ZNF462: variants seen among roughly 807,000 people sequenced by gnomAD.
The protein encoded by ZNF462 is zinc finger protein 462.
A neutral mutation model predicts 201.9 loss-of-function variants in ZNF462; 10 were observed. That is an observed-to-expected ratio of 0.05 (90% CI 0.03 to 0.08). The LOEUF (loss-of-function observed/expected upper bound fraction) is 0.08. Among genes scored for constraint, ZNF462 ranks in the 10% least tolerant of loss-of-function variants. The pLI, the probability that ZNF462 is intolerant of heterozygous loss-of-function variation, is 1.00. For synonymous variants in ZNF462, 1,227 were observed against 1,193.3 expected (o/e 1.03, Z -0.58); for missense variants, 2,523 against 3,168.3 (o/e 0.80, Z 4.89).
chr9:106,986,874 C>T (rs966173469), intron 10 of ZNF462, among the ~76,000 whole-genome samples: 1 of 152,080 alleles, frequency 6.6e-6, no homozygotes, highest in Non-Finnish European at 1.5e-5. Flanking sequence ...GTTTGGTTTT[C>T]CATCCCTGAG....
At position 106,987,602 on chromosome 9, in the gene ZNF462, C is replaced by T. The variant is rs565666151; in HGVS notation, c.7056+3193C>T. On this transcript the variant is annotated intron_variant, in intron 10 of 12. Coordinates refer to ENST00000277225, the MANE Select transcript of ZNF462 (RefSeq NM_021224.6). The stretch of plus-strand genomic sequence containing the variant: ...TATAGATTGTGAAGATTTTCTCCCA[C>T]TCTGTGGGTTGTCTGTTTACTCTGC... Among the ~76,000 whole-genome samples the T allele has an allele frequency of 7.2e-5, 11 of 152,222 alleles. No homozygotes were observed. The East Asian group carries it at 1.9e-3, about 27-fold the overall frequency.
In ZNF462 at chr9:107,008,476, C is replaced by G. The variant is rs1196739159; in HGVS notation, c.7190-1069C>G. Among the ~76,000 whole-genome samples, 2 of 152,110 alleles carry G rather than the reference C, an allele frequency of 1.3e-5. No individual in the cohort carries two copies. Among genetic ancestry groups the G allele is most frequent in the Non-Finnish European group, 2.9e-5 (2 of 68,036 alleles). ...ACCAGGAGGCATCTTCCTGTAATGT[C>G]TTGTATGTGTGGACCAGAGTGATCA... On this transcript the variant is annotated intron_variant, in intron 11 of 12. Transcript: ENST00000277225. This position sits in a 1 kb window ranked among gnomAD's most constrained non-coding sequence, Gnocchi z 4.8.
chr9:106,930,742 T>C lies in ZNF462; in HGVS notation c.6012+53T>C, dbSNP rs1040645544. 2.5e-6 allele frequency: 4 copies of C among 1,600,566 alleles called. No homozygotes were observed. Among genetic ancestry groups the C allele is most frequent in the African/African-American group, 2.7e-5 (2 of 74,676 alleles). On this transcript the variant is annotated intron_variant, in intron 4 of 12. Coordinates refer to ENST00000277225, the MANE Select transcript of ZNF462 (RefSeq NM_021224.6). The surrounding 1 kb of genome is among the most constrained non-coding windows in gnomAD (Gnocchi z 5.8). ...TTGTGTGTGAGCGATTCGAGTTACT[T>C]ATTAACCCCATTGCCTAAAGCAGCT...
chr9:107,003,529 T>A lies in ZNF462; in HGVS notation c.7189+103T>A. The A allele has an allele frequency of 7.0e-7, 1 of 1,437,798 alleles. No homozygotes were observed. The highest frequency in any genetic ancestry group is 9.3e-7 in the Non-Finnish European group (1 of 1,075,356). The allele number at this position is 1,437,798 out of a possible 1,614,324, so 89.1% of individuals were successfully genotyped here. A position where few individuals can be genotyped will look rare whatever the true frequency, so the allele number is the denominator to read the frequency against. ...GTTGTAGGAGTAACAGAAGGAATGA[T>A]CCTTCTTAGTTAAGTAGCAGAACAG... On this transcript the variant is annotated intron_variant, in intron 11 of 12. Transcript: ENST00000277225. The surrounding 1 kb of genome is among the most constrained non-coding windows in gnomAD (Gnocchi z 4.4).
At chr9:106,975,148 A>G (rs1826903109) in intron 9 of ZNF462, 2 of 152,198 alleles carry the variant, frequency 1.3e-5, no homozygotes, top group Admixed American at 1.3e-4. Flanking sequence ...TTACTGGAGT[A>G]CTCATTGCCA....
chr9:106,864,116 C>CTCTCTCTCA (rs1827214910), intron 1 of ZNF462, among the ~76,000 whole-genome samples: 1 of 134,354 alleles, frequency 7.4e-6, no homozygotes, highest in Non-Finnish European at 1.6e-5. Flanking sequence ...CTCTCCCTCT[C>CTCTCTCTCA]CCCGAAGTTG....
rs1830155951 is a variant in ZNF462, at chr9:106,925,531, AACAGCCACC to A, written c.1620_1628del (p.Gln544_Pro546del). The A allele has an allele frequency of 6.2e-7, 1 of 1,613,680 alleles. No homozygotes were observed. Among genetic ancestry groups the A allele is most frequent in the South Asian group, 1.1e-5 (1 of 91,070 alleles). ...GTCATGTTGGATCCCTTGCAGCAGC[AACAGCCACC>A]GCAGCCACCACCACCGCCGCCGCCA... On this transcript the variant is annotated inframe_deletion, in exon 3 of 13. Transcript: ENST00000277225. This position sits in a 1 kb window ranked among gnomAD's most constrained non-coding sequence, Gnocchi z 7.9.
intron 9 of ZNF462, among the ~76,000 whole-genome samples, chr9:106,980,112 ATAGAATT>A: frequency 6.6e-6 from 1 of 152,288 alleles, no homozygotes; most frequent in South Asian, 2.1e-4. Flanking sequence ...CCTTTGCCTG[ATAGAATT>A]AGAGGTGCCA....
At chr9:106,965,528 T>C (rs1016701281) in intron 7 of ZNF462, among the ~76,000 whole-genome samples, 1 of 152,060 alleles carries the variant, frequency 6.6e-6, no homozygotes, top group Non-Finnish European at 1.5e-5. Context: ...ATGTCTCTGA[T>C]GCGTTATACC....
Position 106,924,307 on chromosome 9 carries a change from G to C in ZNF462, c.395G>C (p.Gly132Ala), listed in dbSNP as rs796999483. 1 of 1,614,066 alleles carries C rather than the reference G, an allele frequency of 6.2e-7. No individual in the cohort carries two copies. Among genetic ancestry groups the C allele is most frequent in the Non-Finnish European group, 8.5e-7 (1 of 1,180,040 alleles). Residue 132 changes from glycine to alanine, a missense_variant, in exon 3 of 13, where the codon GGA becomes GCA. By Grantham distance (60) the Gly-to-Ala change is moderately conservative. Around this residue, in one of 15 missense-constraint regions of ZNF462, gnomAD observed 480 missense variants for 544.4 expected, o/e 0.88. Coordinates refer to ENST00000277225, the MANE Select transcript of ZNF462 (RefSeq NM_021224.6). This position sits in a 1 kb window ranked among gnomAD's most constrained non-coding sequence, Gnocchi z 6.2. Reference sequence around the variant, plus strand: ...ATAGAACACACTAGAAAGGTCCATGGAGCTCAAGCTGAAGGGAGTTCATCA... The same window carrying C: ...ATAGAACACACTAGAAAGGTCCATGCAGCTCAAGCTGAAGGGAGTTCATCA... ...LLIEHTRKVH[G>A]AQAEGSSSGP...
rs986234180 is a variant in ZNF462, at chr9:106,939,906, A to G, written c.6427+799A>G. Reference sequence around the variant, plus strand: ...GAAGAGAAGGAGAGGAAGTCTGCAGATTCTTCGAGGTAGACCTGCTCTCTT... The same window carrying G: ...GAAGAGAAGGAGAGGAAGTCTGCAGGTTCTTCGAGGTAGACCTGCTCTCTT... On this transcript the variant is annotated intron_variant, in intron 7 of 12. Coordinates refer to ENST00000277225, the MANE Select transcript of ZNF462 (RefSeq NM_021224.6). Among the ~76,000 whole-genome samples, 6 of 152,212 alleles carry G rather than the reference A, an allele frequency of 3.9e-5. No homozygotes were observed. The East Asian group carries it at 1.2e-3, about 29-fold the overall frequency.
chr9:106,943,017 G>T (rs1463398268), intron 7 of ZNF462, among the ~76,000 whole-genome samples: 2 of 151,270 alleles, frequency 1.3e-5, no homozygotes, highest in African/African-American at 4.9e-5. Context: ...GGTGCAAAAT[G>T]AATAAGGTGA....
chr9:106,930,573 G>T lies in ZNF462; in HGVS notation c.5896G>T (p.Val1966Leu). Residue 1966 changes from valine (V) to leucine (L), a missense_variant, in exon 4 of 13, where the codon GTG becomes TTG. By Grantham distance (32) the Val-to-Leu change is conservative. Coordinates refer to ENST00000277225, the MANE Select transcript of ZNF462 (RefSeq NM_021224.6). This position sits in a 1 kb window ranked among gnomAD's most constrained non-coding sequence, Gnocchi z 5.8. ...EVPKIKERKV[V>L]GYKCKFCVEV... ...GCCAAAGATCAAGGAGAGGAAAGTG[G>T]TGGGCTACAAATGTAAATTCTGTGT... is the stretch of plus-strand genomic sequence containing the variant. The T allele has an allele frequency of 6.2e-7, 1 of 1,614,160 alleles. No individual in the cohort carries two copies. The highest frequency in any genetic ancestry group is 8.5e-7 in the Non-Finnish European group (1 of 1,180,042).
intron 7 of ZNF462, among the ~76,000 whole-genome samples, chr9:106,951,353 A>G (rs1181238583): frequency 6.6e-6 from 1 of 152,202 alleles, no homozygotes; most frequent in African/African-American, 2.4e-5. Context: ...TGCCAAGAGC[A>G]GAATAAGAGT....
Position 106,984,211 on chromosome 9 carries a change from T to C in ZNF462, c.6858T>C (p.Val2286=). ...HREERVVPIE[V]CRSKLSKYLQ... ...AAGAGCGTGTTGTCCCCATTGAAGT[T>C]TGCCGGTCCAAACTGTCCAAATACT... The change falls in exon 10 of 13, where the codon GTT becomes GTC. Residue 2286 remains valine, a synonymous_variant. Coordinates refer to ENST00000277225, the MANE Select transcript of ZNF462 (RefSeq NM_021224.6). This position sits in a 1 kb window ranked among gnomAD's most constrained non-coding sequence, Gnocchi z 6.4. The C allele has an allele frequency of 2.5e-6, 4 of 1,614,070 alleles. No individual in the cohort carries two copies. The highest frequency in any genetic ancestry group is 3.4e-6 in the Non-Finnish European group (4 of 1,179,936).
At chr9:107,001,964 G>T (rs1354660305) in intron 10 of ZNF462, among the ~76,000 whole-genome samples, 1 of 152,040 alleles carries the variant, frequency 6.6e-6, no homozygotes, top group Non-Finnish European at 1.5e-5. Flanking sequence ...TCTCTTACAG[G>T]ATGTTGTTGG....
rs899194379 is a variant in ZNF462, at chr9:106,913,212, AGT to A, written c.-30-10139_-30-10138del. Among the ~76,000 whole-genome samples the A allele has an allele frequency of 3.2e-4, 48 of 152,350 alleles. No individual in the cohort carries two copies. Among genetic ancestry groups the A allele is most frequent in the African/African-American group, 1.1e-3 (45 of 41,594 alleles). On this transcript the variant is annotated intron_variant, in intron 1 of 12. Transcript: ENST00000277225. The surrounding 1 kb of genome is among the most constrained non-coding windows in gnomAD (Gnocchi z 4.1). ...TTGCCAGTGGAGACTTAGAATTACT[AGT>A]GTCTCAGTAGTCAGCTAACCACTGT...
rs1235072917 is a variant in ZNF462 at position 106,970,217 on chromosome 9, G to A, written c.6428-1788G>A. On this transcript the variant is annotated intron_variant, in intron 7 of 12. Transcript: ENST00000277225. This position sits in a 1 kb window ranked among gnomAD's most constrained non-coding sequence, Gnocchi z 4.2. Reference sequence around the variant, plus strand: ...TTGTCTTCCATTTACACCTGGTAATGAACCTATGGAGGCTTGGAGACATTG... The same window carrying A: ...TTGTCTTCCATTTACACCTGGTAATAAACCTATGGAGGCTTGGAGACATTG... Among the ~76,000 whole-genome samples the A allele has an allele frequency of 6.6e-6, 1 of 152,184 alleles. No homozygotes were observed. The highest frequency in any genetic ancestry group is 1.5e-5 in the Non-Finnish European group (1 of 68,046).
In ZNF462 at chr9:106,870,090, G is replaced by A. The variant is rs1827523021; in HGVS notation, c.-31+6735G>A. Among the ~76,000 whole-genome samples the A allele has an allele frequency of 6.6e-6, 1 of 152,290 alleles. No homozygotes were observed. Among genetic ancestry groups the A allele is most frequent in the African/African-American group, 2.4e-5 (1 of 41,560 alleles). ...GAAGCACGTACAGGATTTTTAAAGTGTTTGGATGTGTGATTCCAACACAAA... is the reference window on the plus strand; with the variant it reads ...GAAGCACGTACAGGATTTTTAAAGTATTTGGATGTGTGATTCCAACACAAA... On this transcript the variant is annotated intron_variant, in intron 1 of 12. Transcript: ENST00000277225. The surrounding 1 kb of genome is among the most constrained non-coding windows in gnomAD (Gnocchi z 4.3).
Sources: gnomAD v4.1 joint callset for allele counts (sites outside exome capture counted in the v4.1 genomes callset) on GRCh38, gnomAD v4.1.1 for gene constraint, gnomAD v4.1.1 regional missense constraint, Gnocchi (gnomAD v3.1) non-coding constraint, MANE v1.5 for transcripts, NCBI Gene and HGNC (gene_info 2026-07-23, HGNC 2026-07-21) for gene names.